The following ZFAT variants were observed in gnomAD, a reference collection of about 807,000 sequenced individuals.
ZFAT encodes zinc finger and AT-hook domain containing.
In ZFAT, 64 loss-of-function variants were observed where a neutral mutation model predicts 117.7. The ratio of observed to expected loss-of-function variants is 0.54; its 90% confidence interval spans 0.44 to 0.67. The LOEUF is 0.67. Among genes scored for constraint, ZFAT ranks in the 30% least tolerant of loss-of-function variants. ZFAT has a pLI of 0.00. For synonymous variants in ZFAT, 679 were observed against 615.0 expected, an observed-to-expected ratio of 1.10 and a Z score of -1.54; for missense variants, 1,433 against 1,584.5, an observed-to-expected ratio of 0.90 and a Z score of 1.62.
chr8:134,555,800 CGT>C (rs1246299753), intron 11 of ZFAT, among the ~76,000 whole-genome samples: 2 of 146,902 alleles, frequency 1.4e-5, no homozygotes, highest in South Asian at 2.3e-4. Flanking sequence ...AGAACAAATA[CGT>C]TAAAAGCTCT....
chr8:134,668,355 G>A (rs1447817531), intron 1 of ZFAT, among the ~76,000 whole-genome samples: 2 of 152,238 alleles, frequency 1.3e-5, no homozygotes, highest in East Asian at 3.9e-4. Context: ...GCACCCCCAA[G>A]TAGGGGCAGA....
At chr8:134,550,308 C>T (rs926502955) in intron 11 of ZFAT, among the ~76,000 whole-genome samples, 1 of 31,876 alleles carries the variant, frequency 3.1e-5, no homozygotes, top group Non-Finnish European at 5.3e-5. Flanking sequence ...TTGGTCACAA[C>T]GGAAAAAAAA....
At chr8:134,555,744 G>A (rs1406691873) in intron 11 of ZFAT, among the ~76,000 whole-genome samples, 5 of 151,574 alleles carry the variant, frequency 3.3e-5, no homozygotes, top group African/African-American at 1.2e-4. Flanking sequence ...CTGATGTGCA[G>A]GTGCCCCAGA....
At chr8:134,619,828 G>T (rs939776634) in intron 3 of ZFAT, among the ~76,000 whole-genome samples, 4 of 152,170 alleles carry the variant, frequency 2.6e-5, no homozygotes, top group African/African-American at 9.7e-5. Flanking sequence ...TAAGGAGTCC[G>T]AAGCTCGGTG....
intron 3 of ZFAT, among the ~76,000 whole-genome samples, chr8:134,624,518 A>G (rs1216713409): frequency 6.6e-6 from 1 of 152,136 alleles, no homozygotes; most frequent in Non-Finnish European, 1.5e-5. Flanking sequence ...TTAGCCGGGC[A>G]TGGGGGCGCA....
chr8:134,651,211 T>C (rs558050006), intron 2 of ZFAT, among the ~76,000 whole-genome samples: 30 of 152,306 alleles, frequency 2.0e-4, no homozygotes, highest in African/African-American at 6.7e-4. Flanking sequence ...AAACAAATAT[T>C]CATGTGAAAA....
rs1370285353 is a variant in ZFAT, at chr8:134,591,665, G to A, written c.2476-1310C>T. On this transcript the variant is annotated intron_variant, in intron 7 of 15. Coordinates refer to ENST00000377838, the MANE Select transcript of ZFAT (RefSeq NM_020863.4). ...ACTAGGGTGGGCCCTCATCCAATGTGACTGGTGTCCTTATAAAAAGAGGAA... is the reference window on the plus strand; with the variant it reads ...ACTAGGGTGGGCCCTCATCCAATGTAACTGGTGTCCTTATAAAAAGAGGAA... 2.0e-5 allele frequency among the ~76,000 whole-genome samples: 3 copies of A among 152,340 alleles called. No homozygotes were observed. The South Asian group carries it at 6.2e-4, about 32-fold the overall frequency.
At chr8:134,827,016 C>T in the ZFAT span, among the ~76,000 whole-genome samples, 2 of 152,150 alleles carry the variant, frequency 1.3e-5, no homozygotes, top group Non-Finnish European at 2.9e-5. Flanking sequence ...ATAGGGTCAC[C>T]CATGACTAAA....
intron 15 of ZFAT, among the ~76,000 whole-genome samples, chr8:134,487,133 T>C (rs370263082): frequency 2.0e-5 from 3 of 152,334 alleles, no homozygotes; most frequent in East Asian, 3.9e-4. Context: ...TGTGTATACA[T>C]GTACGCAGGT....
At chr8:134,507,297 G>T (rs1819487000) in intron 15 of ZFAT, among the ~76,000 whole-genome samples, 1 of 152,142 alleles carries the variant, frequency 6.6e-6, no homozygotes, top group Admixed American at 6.5e-5. Flanking sequence ...CCTTTCACCT[G>T]GGAGAGCCTG....
chr8:134,552,696 G>A (rs1015717337), intron 11 of ZFAT, among the ~76,000 whole-genome samples: 1 of 152,208 alleles, frequency 6.6e-6, no homozygotes, highest in Non-Finnish European at 1.5e-5. Context: ...CCTTCTGGAG[G>A]TCAGGGACAG....
chr8:134,665,207 C>A (rs1205839031), intron 1 of ZFAT, among the ~76,000 whole-genome samples: 1 of 152,176 alleles, frequency 6.6e-6, no homozygotes, highest in Non-Finnish European at 1.5e-5. Flanking sequence ...GAGTCCCTTG[C>A]ACTTAGGGAG....
intron 15 of ZFAT, among the ~76,000 whole-genome samples, chr8:134,500,260 T>C (rs1212983087): frequency 6.6e-6 from 1 of 152,156 alleles, no homozygotes; most frequent in Non-Finnish European, 1.5e-5. Flanking sequence ...AAGCAAACAG[T>C]AATAAACTCA....
chr8:134,577,827 T>G (rs940989130), intron 10 of ZFAT, among the ~76,000 whole-genome samples: 4 of 152,048 alleles, frequency 2.6e-5, no homozygotes, highest in Non-Finnish European at 5.9e-5. Context: ...GTGGGACAGT[T>G]CCAGTAACAG....
At chr8:134,772,801 C>T in the ZFAT span, among the ~76,000 whole-genome samples, 8 of 152,258 alleles carry the variant, frequency 5.3e-5, no homozygotes, top group African/African-American at 1.4e-4. Flanking sequence ...TGGCCCACAC[C>T]TGTAATCTCA....
upstream of ZFAT, among the ~76,000 whole-genome samples, chr8:134,717,911 T>C (rs1489224032): frequency 6.6e-6 from 1 of 152,092 alleles, no homozygotes; most frequent in Non-Finnish European, 1.5e-5. Context: ...GCCAGGCTGG[T>C]CTTGAACTCC....
At chr8:134,750,525 AT>A in the ZFAT span, among the ~76,000 whole-genome samples, 4 of 152,026 alleles carry the variant, frequency 2.6e-5, no homozygotes, top group South Asian at 6.2e-4. Context: ...AAATTGAAAT[AT>A]TTTTTTTAAA....
At chr8:134,651,180 G>GTA (rs60237678) in intron 2 of ZFAT, among the ~76,000 whole-genome samples, 63,255 of 110,788 alleles carry the variant, frequency 0.57, 14,350 homozygotes, top group African/African-American at 0.68. Context: ...CCACTCCTTG[G>GTA]TATATATCCA....
the ZFAT span, among the ~76,000 whole-genome samples, chr8:134,787,603 G>A: frequency 2.0e-5 from 3 of 152,008 alleles, no homozygotes; most frequent in Non-Finnish European, 1.5e-5. Context: ...ATAATCACAG[G>A]TCTTATGTCT....
Sources: allele counts gnomAD v4.1 joint callset (sites outside exome capture counted in the v4.1 genomes callset), GRCh38; gene constraint gnomAD v4.1.1; transcripts MANE v1.5; gene names NCBI Gene and HGNC (gene_info 2026-07-23, HGNC 2026-07-21).